Variants in GRAMD1B observed in about 807,000 individuals in gnomAD.
GRAMD1B encodes the protein GRAM domain containing 1B, also known as protein Aster-B.
Under a neutral mutation model 99.7 loss-of-function variants are expected in GRAMD1B, and 37 were observed. The ratio of observed to expected loss-of-function variants is 0.37; its 90% confidence interval spans 0.29 to 0.49. The LOEUF (loss-of-function observed/expected upper bound fraction) is 0.49. Among genes scored for constraint, GRAMD1B ranks in the 20% least tolerant of loss-of-function variants. GRAMD1B has a pLI of 0.98. For missense variants in GRAMD1B, 888 were observed against 1,009.2 expected (o/e 0.88, Z 1.63); for synonymous variants, 427 against 387.6 (o/e 1.10, Z -1.19).
At chr11:123,391,779 A>G (rs945476184) in intron 1 of GRAMD1B, among the ~76,000 whole-genome samples, 2 of 152,180 alleles carry the variant, frequency 1.3e-5, no homozygotes, top group Non-Finnish European at 2.9e-5. Flanking sequence ...TCTTTCACCA[A>G]ATATGTGACT....
intron 1 of GRAMD1B, among the ~76,000 whole-genome samples, chr11:123,394,626 T>C (rs1947395057): frequency 6.6e-6 from 1 of 152,244 alleles, no homozygotes. Context: ...TCTAAGTATG[T>C]TCATGAACTT....
intron 8 of GRAMD1B, among the ~76,000 whole-genome samples, chr11:123,601,329 G>A (rs1379079367): frequency 6.6e-6 from 1 of 151,904 alleles, no homozygotes; most frequent in Non-Finnish European, 1.5e-5. Context: ...TTCATGCAGT[G>A]AGCTGTGATT....
chr11:123,503,277 A>T (rs1591734220), intron 2 of GRAMD1B, among the ~76,000 whole-genome samples: 1 of 152,196 alleles, frequency 6.6e-6, no homozygotes, highest in African/African-American at 2.4e-5. Flanking sequence ...ATCTGAAAGC[A>T]CAGTGCAAGG....
intron 1 of GRAMD1B, among the ~76,000 whole-genome samples, chr11:123,359,469 G>A (rs1474338742): frequency 6.6e-6 from 1 of 152,052 alleles, no homozygotes; most frequent in South Asian, 2.1e-4. Flanking sequence ...GTGGTCATTA[G>A]AATGAAGTTT....
At chr11:123,613,243 A>T (rs1368907716) in intron 15 of GRAMD1B, 1 of 582,420 alleles carries the variant, frequency 1.7e-6, no homozygotes. Flanking sequence ...GATATTGGGA[A>T]CATATGGTTC....
At chr11:123,470,650 C>T (rs1000607532) in intron 1 of GRAMD1B, among the ~76,000 whole-genome samples, 3 of 151,738 alleles carry the variant, frequency 2.0e-5, no homozygotes, top group African/African-American at 4.8e-5. Context: ...AGTAAGAGAA[C>T]ACAAGAGCTT....
intron 1 of GRAMD1B, among the ~76,000 whole-genome samples, chr11:123,470,007 C>T (rs566002669): frequency 5.3e-5 from 8 of 152,132 alleles, no homozygotes; most frequent in East Asian, 3.9e-4. Context: ...AAAGGGAATG[C>T]GAGAAAATAA....
At chr11:123,438,791 C>T (rs924714356) in intron 1 of GRAMD1B, among the ~76,000 whole-genome samples, 15 of 152,126 alleles carry the variant, frequency 9.9e-5, no homozygotes, top group African/African-American at 3.6e-4. Flanking sequence ...ATATAGCCTC[C>T]AATTGCTATG....
chr11:123,401,665 G>C (rs1947667249), intron 1 of GRAMD1B, among the ~76,000 whole-genome samples: 1 of 152,184 alleles, frequency 6.6e-6, no homozygotes, highest in Non-Finnish European at 1.5e-5. Flanking sequence ...TGGCAGGGGT[G>C]GGGGAAGGAA....
At chr11:123,470,414 G>A (rs1485207668) in intron 1 of GRAMD1B, among the ~76,000 whole-genome samples, 1 of 151,776 alleles carries the variant, frequency 6.6e-6, no homozygotes, top group Non-Finnish European at 1.5e-5. Context: ...TAAACACCAA[G>A]GCTCAAGTGA....
At chr11:123,618,142 GA>G (rs1407147917) in intron 17 of GRAMD1B, among the ~76,000 whole-genome samples, 1 of 152,136 alleles carries the variant, frequency 6.6e-6, no homozygotes, top group Non-Finnish European at 1.5e-5. Context: ...AGCACCCGTG[GA>G]AATACTAAGA....
At chr11:123,457,127 A>C (rs1437256943) in intron 1 of GRAMD1B, among the ~76,000 whole-genome samples, 1 of 150,288 alleles carries the variant, frequency 6.7e-6, no homozygotes, top group Non-Finnish European at 1.5e-5. Context: ...AAAAGAAAGA[A>C]AGAAAGAAAG....
intron 7 of GRAMD1B, chr11:123,599,013 A>T: frequency 9.0e-7 from 1 of 1,108,794 alleles, no homozygotes. Flanking sequence ...AATGTACTTG[A>T]GGCAACAGTC....
Position 123,510,056 on chromosome 11 carries a change from C to G in GRAMD1B, c.452+29163C>G, listed in dbSNP as rs987603158. The G allele has an allele frequency of 1.3e-5, 2 of 152,318 alleles. No individual in the cohort carries two copies. The highest frequency in any genetic ancestry group is 2.4e-5 in the African/African-American group (1 of 41,438). 9.4% of individuals were successfully genotyped at this position (152,318 alleles called of 1,614,324 possible). A position where few individuals can be genotyped will look rare whatever the true frequency, so the allele number is the denominator to read the frequency against. On this transcript the variant is annotated intron_variant, in intron 2 of 19. Transcript: ENST00000635736. This position sits in a 1 kb window ranked among gnomAD's most constrained non-coding sequence, Gnocchi z 4.3. ...TTGCAAGGTGAGTGGCTTCACCGGG[C>G]GAATTTCTCTCCTTTTGCATTCTCC...
At chr11:123,498,087 G>A (rs368316806) in intron 2 of GRAMD1B, among the ~76,000 whole-genome samples, 128 of 152,058 alleles carry the variant, frequency 8.4e-4, no homozygotes, top group Non-Finnish European at 1.5e-3. Flanking sequence ...TTTTCATTCC[G>A]CTTGTGATGA....
At chr11:123,567,983 G>C (rs1005125986) in intron 2 of GRAMD1B, among the ~76,000 whole-genome samples, 8 of 151,614 alleles carry the variant, frequency 5.3e-5, no homozygotes, top group African/African-American at 1.9e-4. Context: ...CTTGTACCAA[G>C]TAATTCCTTC....
intron 2 of GRAMD1B, among the ~76,000 whole-genome samples, chr11:123,524,140 G>A (rs896696764): frequency 2.6e-5 from 4 of 152,002 alleles, no homozygotes; most frequent in Non-Finnish European, 5.9e-5. Context: ...TCACTTAAAC[G>A]CTTGCTTATA....
intron 2 of GRAMD1B, among the ~76,000 whole-genome samples, chr11:123,529,703 A>G (rs1943152678): frequency 6.6e-6 from 1 of 152,208 alleles, no homozygotes; most frequent in Non-Finnish European, 1.5e-5. Flanking sequence ...CAGCTTCTAC[A>G]TGGTTATTTT....
At chr11:123,598,695 T>A (rs1951587711) in intron 7 of GRAMD1B, 1 of 991,320 alleles carries the variant, frequency 1.0e-6, no homozygotes, top group Non-Finnish European at 1.6e-6. Context: ...GGCCAACTCC[T>A]CCCAGGAGGA....
Sources: allele counts gnomAD v4.1 joint callset (sites outside exome capture counted in the v4.1 genomes callset), GRCh38; gene constraint gnomAD v4.1.1; non-coding constraint Gnocchi (gnomAD v3.1); transcripts MANE v1.5; gene names NCBI Gene and HGNC (gene_info 2026-07-23, HGNC 2026-07-21).